DENND1A: variants seen among roughly 807,000 people sequenced by gnomAD.
The protein encoded by DENND1A is DENN domain-containing protein 1A.
Under a neutral mutation model 113.7 loss-of-function variants are expected in DENND1A, and 51 were observed. The observed-to-expected ratio is 0.45, with a 90% confidence interval of 0.36 to 0.57. DENND1A has a LOEUF of 0.57. Ranked by LOEUF, DENND1A falls within the 20% of genes least tolerant of loss-of-function variation. The pLI, the probability that DENND1A is intolerant of heterozygous loss-of-function variation, is 0.00. For missense variants in DENND1A, 1,258 were observed against 1,395.9 expected (o/e 0.90, Z 1.57); for synonymous variants, 565 against 570.8 (o/e 0.99, Z 0.14).
intron 3 of DENND1A, among the ~76,000 whole-genome samples, chr9:123,773,134 G>A (rs1264632328): frequency 2.0e-5 from 3 of 152,180 alleles, no homozygotes; most frequent in East Asian, 1.9e-4. Context: ...TAAGAGCAGA[G>A]GGGGCAGGGA....
chr9:123,417,533 A>T (rs971354146), intron 19 of DENND1A, among the ~76,000 whole-genome samples: 24 of 152,196 alleles, frequency 1.6e-4, no homozygotes, highest in African/African-American at 5.3e-4. Context: ...AAACTAAAAC[A>T]AGCAGGTATT....
intron 2 of DENND1A, among the ~76,000 whole-genome samples, chr9:123,832,494 C>T (rs1840376417): frequency 6.6e-6 from 1 of 152,050 alleles, no homozygotes; most frequent in African/African-American, 2.4e-5. Context: ...ACAATATGAC[C>T]CAGAAATTTC....
rs533997026 is a variant in DENND1A, at chr9:123,639,143, G to T, written c.619-8667C>A. On this transcript the variant is annotated intron_variant, in intron 9 of 23. Coordinates refer to ENST00000394215, the MANE Select transcript of DENND1A (RefSeq NM_001352964.2). Reference sequence around the variant, plus strand: ...GTTTTCTTTGGCAAATTTAACCTTAGAAAGTGACTGTAGGCCGCAGGTGGT... The same window carrying T: ...GTTTTCTTTGGCAAATTTAACCTTATAAAGTGACTGTAGGCCGCAGGTGGT... 7.5e-5 allele frequency among the ~76,000 whole-genome samples: 11 copies of T among 147,110 alleles called. No homozygotes were observed. The East Asian group carries it at 2.2e-3, about 30-fold the overall frequency.
rs556617187 is a variant in DENND1A, at chr9:123,757,716, A to G, written c.289T>C (p.Phe97Leu). ...CRLSSGAKSC[F>L]CILSYLPWFE... The stretch of plus-strand genomic sequence containing the variant: ...CTTCTCCCTTACCTTAAGATACAGA[A>G]GCAGCTCTTCGCTCCTGAAGATAAG... The change falls in exon 5 of 24, where the codon TTC (phenylalanine) becomes CTC (leucine). Residue 97 changes from phenylalanine (F) to leucine (L), a missense_variant. Physicochemically the swap from Phe to Leu is conservative, Grantham distance 22 (BLOSUM62 0). Coordinates refer to ENST00000394215, the MANE Select transcript of DENND1A (RefSeq NM_001352964.2). 11 of 1,614,056 alleles carry G rather than the reference A, an allele frequency of 6.8e-6. No homozygotes were observed. The highest frequency in any genetic ancestry group is 9.3e-6 in the Non-Finnish European group (11 of 1,179,968).
intron 1 of DENND1A, among the ~76,000 whole-genome samples, chr9:123,925,536 T>C (rs1856953327): frequency 6.6e-6 from 1 of 152,198 alleles, no homozygotes; most frequent in Non-Finnish European, 1.5e-5. Flanking sequence ...TGTTTTTGTT[T>C]TACATTTGTG....
rs1840190394 is a variant in DENND1A, at chr9:123,831,404, A to G, written c.89-38774T>C. Among the ~76,000 whole-genome samples the G allele has an allele frequency of 3.9e-5, 6 of 152,176 alleles. No homozygotes were observed. In the South Asian group the frequency reaches 1.2e-3, roughly 32 times the overall value. Reference sequence around the variant, plus strand: ...TTTATATCAATTCAATGAAATCCCAATACAAATCTTAGCAAGGCACTTTAA... The same window carrying G: ...TTTATATCAATTCAATGAAATCCCAGTACAAATCTTAGCAAGGCACTTTAA... On this transcript the variant is annotated intron_variant, in intron 2 of 23. Coordinates refer to ENST00000394215, the MANE Select transcript of DENND1A (RefSeq NM_001352964.2).
At chr9:123,689,871 C>T (rs1451876234) in intron 5 of DENND1A, among the ~76,000 whole-genome samples, 2 of 151,764 alleles carry the variant, frequency 1.3e-5, no homozygotes, top group African/African-American at 4.8e-5. Flanking sequence ...TCCTGTATGC[C>T]TCAGCTACTC....
At chr9:123,589,789 CACAG>C (rs1402309090) in intron 11 of DENND1A, among the ~76,000 whole-genome samples, 3 of 152,020 alleles carry the variant, frequency 2.0e-5, no homozygotes, top group South Asian at 2.1e-4. Flanking sequence ...TCTGCTTTGT[CACAG>C]ACAGTCTGAA....
intron 13 of DENND1A, among the ~76,000 whole-genome samples, chr9:123,512,389 G>A (rs1350061107): frequency 6.6e-6 from 1 of 152,234 alleles, no homozygotes; most frequent in Non-Finnish European, 1.5e-5. Context: ...GACTGAATGG[G>A]CTGGCACTCG....
At chr9:123,697,294 C>T (rs1472423433) in intron 5 of DENND1A, among the ~76,000 whole-genome samples, 4 of 152,164 alleles carry the variant, frequency 2.6e-5, no homozygotes, top group Admixed American at 6.5e-5. Context: ...TTTAGTCATA[C>T]AAGACAAAAT....
At chr9:123,752,880 C>G (rs968868838) in intron 5 of DENND1A, among the ~76,000 whole-genome samples, 2 of 152,216 alleles carry the variant, frequency 1.3e-5, no homozygotes, top group African/African-American at 4.8e-5. Flanking sequence ...TCCGTAACTA[C>G]TGTTCTCCTA....
chr9:123,756,795 C>T (rs559649532), intron 5 of DENND1A, among the ~76,000 whole-genome samples: 1 of 152,268 alleles, frequency 6.6e-6, no homozygotes, highest in African/African-American at 2.4e-5. Context: ...AGTGCAGAGA[C>T]TAGTGCCGCA....
Position 123,429,769 on chromosome 9 carries a change from T to G in DENND1A, c.1488+10591A>C, listed in dbSNP as rs894652830. ...TAGAAGAAAATCTGGGCAATACCAT[T>G]CAGGACATAGGTATGGGCAAAAATT... On this transcript the variant is annotated intron_variant, in intron 19 of 23. Coordinates refer to ENST00000394215, the MANE Select transcript of DENND1A (RefSeq NM_001352964.2). Among the ~76,000 whole-genome samples the G allele has an allele frequency of 9.9e-4, 150 of 152,222 alleles. 1 individual carries two copies. The highest frequency in any genetic ancestry group is 3.5e-3 in the African/African-American group (144 of 41,516).
intron 10 of DENND1A, among the ~76,000 whole-genome samples, chr9:123,629,083 C>T (rs1407527331): frequency 6.6e-6 from 1 of 152,194 alleles, no homozygotes; most frequent in Non-Finnish European, 1.5e-5. Context: ...TGCCTTCAAG[C>T]TCCTTGGACA....
intron 21 of DENND1A, among the ~76,000 whole-genome samples, chr9:123,397,111 A>T (rs191705051): frequency 2.0e-5 from 3 of 152,212 alleles, no homozygotes; most frequent in African/African-American, 7.2e-5. Flanking sequence ...TGGTGTATGT[A>T]AAGTGCTTAG....
rs568200529 is a variant in DENND1A, at chr9:123,520,957, T to G, written c.993+36613A>C. 2.0e-5 allele frequency among the ~76,000 whole-genome samples: 3 copies of G among 152,302 alleles called. No individual in the cohort carries two copies. The East Asian group carries it at 5.8e-4, about 29-fold the overall frequency. On this transcript the variant is annotated intron_variant, in intron 13 of 23. Transcript: ENST00000394215. ...GTGTCTGGTTTTTGTTTCTTTTCCC[T>G]CTCACCTTTTTACTGTACAAACTAC... is the stretch of plus-strand genomic sequence containing the variant.
chr9:123,562,777 C>T (rs1430102651), intron 12 of DENND1A, among the ~76,000 whole-genome samples: 2 of 152,026 alleles, frequency 1.3e-5, no homozygotes, highest in Non-Finnish European at 1.5e-5. Context: ...CCAGATGTCC[C>T]CCCATCTGTG....
intron 13 of DENND1A, among the ~76,000 whole-genome samples, chr9:123,468,187 G>T (rs188759492): frequency 3.3e-5 from 5 of 152,284 alleles, no homozygotes; most frequent in African/African-American, 9.6e-5. Context: ...CCCTGGGGAA[G>T]TGACTACACC....
chr9:123,685,032 T>C (rs1035483647), intron 5 of DENND1A, among the ~76,000 whole-genome samples: 8 of 152,238 alleles, frequency 5.3e-5, no homozygotes, highest in Non-Finnish European at 1.0e-4. Flanking sequence ...CACCTGGGTT[T>C]GAGTACCAGC....
Sources: allele counts gnomAD v4.1 joint callset (sites outside exome capture counted in the v4.1 genomes callset), GRCh38; gene constraint gnomAD v4.1.1; transcripts MANE v1.5; gene names NCBI Gene and HGNC (gene_info 2026-07-23, HGNC 2026-07-21).